Variants in SPATA13 observed in about 807,000 individuals in gnomAD.
SPATA13 encodes the protein spermatogenesis-associated protein 13.
SPATA13 carries 50 observed loss-of-function variants against 104.0 expected under a neutral mutation model. That is an observed-to-expected ratio of 0.48 (90% CI 0.38 to 0.61). SPATA13 has a LOEUF of 0.61. Ranked by LOEUF, SPATA13 falls within the 20% of genes least tolerant of loss-of-function variation. SPATA13 has a pLI of 0.00. For missense variants in SPATA13, 1,524 were observed against 1,690.6 expected, an observed-to-expected ratio of 0.90 and a Z score of 1.73; for synonymous variants, 606 against 667.5, an observed-to-expected ratio of 0.91 and a Z score of 1.42.
At chr13:24,208,963 T>C (rs952685229) in intron 1 of SPATA13, among the ~76,000 whole-genome samples, 2 of 152,216 alleles carry the variant, frequency 1.3e-5, no homozygotes, top group African/African-American at 4.8e-5. Flanking sequence ...ACAAAGTTCC[T>C]AGAAAATAGA....
chr13:24,194,245 G>A (rs1214326972), intron 1 of SPATA13, among the ~76,000 whole-genome samples: 2 of 152,180 alleles, frequency 1.3e-5, no homozygotes, highest in Non-Finnish European at 2.9e-5. Flanking sequence ...TTATTTAAAT[G>A]TGCAGCTAAA....
At chr13:24,080,744 T>G (rs564520653) in intron 3 of SPATA13, among the ~76,000 whole-genome samples, 1 of 152,342 alleles carries the variant, frequency 6.6e-6, no homozygotes, top group South Asian at 2.1e-4. Flanking sequence ...AGACTCATCT[T>G]CTGTGCCCTA....
chr13:24,176,359 A>G (rs1229430157), intron 1 of SPATA13, among the ~76,000 whole-genome samples: 1 of 152,188 alleles, frequency 6.6e-6, no homozygotes, highest in Admixed American at 6.5e-5. Context: ...TTTACCAGTT[A>G]CAACTTTGGA....
chr13:24,101,233 C>T (rs1267370108), intron 3 of SPATA13, among the ~76,000 whole-genome samples: 5 of 152,174 alleles, frequency 3.3e-5, no homozygotes, highest in Non-Finnish European at 7.3e-5. Context: ...CACACTCAAA[C>T]ACATATAATT....
In SPATA13 at chr13:24,042,366, T is replaced by C. The variant is rs545733297; in HGVS notation, c.-112+24665T>C. On this transcript the variant is annotated intron_variant, in intron 3 of 14. Coordinates refer to the SPATA13 transcript ENST00000424834. Reference sequence around the variant, plus strand: ...GTAAAAGTTCAAGTTGGAAAGCCAATGATGCAGTTCTAGCCTTTGTGGAAA... The same window carrying C: ...GTAAAAGTTCAAGTTGGAAAGCCAACGATGCAGTTCTAGCCTTTGTGGAAA... 1.2e-3 allele frequency among the ~76,000 whole-genome samples: 185 copies of C among 152,322 alleles called. 4 individuals carry two copies. The highest frequency in any genetic ancestry group is 2.1e-3 in the Non-Finnish European group (141 of 68,032).
chr13:24,171,311 C>T (rs984133460), intron 1 of SPATA13, among the ~76,000 whole-genome samples: 5 of 152,110 alleles, frequency 3.3e-5, no homozygotes, highest in African/African-American at 7.2e-5. Flanking sequence ...ATGGTGAAGT[C>T]GTGACCCTTG....
Position 24,190,152 on chromosome 13 carries a change from CAT to C in SPATA13, c.-112+29228_-112+29229del, listed in dbSNP as rs1491127668. On this transcript the variant is annotated intron_variant, in intron 1 of 12. Coordinates refer to ENST00000382108, the MANE Select transcript of SPATA13 (RefSeq NM_001166271.3). ...ATATACAATATATATTATTATATAACATATATATAATATATATTATTATATAA... is the reference window on the plus strand; with the variant it reads ...ATATACAATATATATTATTATATAACATATATAATATATATTATTATATAA... Among the ~76,000 whole-genome samples the C allele has an allele frequency of 3.5e-3, 27 of 7,676 alleles. 10 individuals carry two copies. The highest frequency in any genetic ancestry group is 3.8e-3 in the African/African-American group (27 of 7,128). 5.0% of individuals were successfully genotyped at this position (7,676 alleles called of 152,430 possible).
intron 4 of SPATA13, among the ~76,000 whole-genome samples, chr13:24,265,275 C>A (rs1874248058): frequency 1.3e-5 from 2 of 152,180 alleles, no homozygotes; most frequent in South Asian, 4.1e-4. Context: ...AGCATCTACC[C>A]GGCTCATCAG....
At chr13:24,141,701 A>C (rs766702119) in intron 3 of SPATA13, among the ~76,000 whole-genome samples, 22 of 152,236 alleles carry the variant, frequency 1.4e-4, no homozygotes, top group Non-Finnish European at 2.5e-4. Flanking sequence ...TTGTTAGTTA[A>C]GTAACAAATG....
intron 1 of SPATA13, among the ~76,000 whole-genome samples, chr13:24,180,138 G>C (rs1428428422): frequency 6.6e-6 from 1 of 152,154 alleles, no homozygotes; most frequent in Non-Finnish European, 1.5e-5. Context: ...TATAGTTTCA[G>C]CTCTTAGATT....
chr13:24,211,887 C>G (rs536145796), intron 1 of SPATA13, among the ~76,000 whole-genome samples: 1 of 152,308 alleles, frequency 6.6e-6, no homozygotes, highest in South Asian at 2.1e-4. Flanking sequence ...AACATCCGTC[C>G]TTTCTCTGGC....
chr13:24,272,181 G>C (rs574221251), intron 4 of SPATA13, among the ~76,000 whole-genome samples: 7 of 152,184 alleles, frequency 4.6e-5, no homozygotes, highest in East Asian at 1.9e-4. Context: ...GGGCAGGGGT[G>C]GGGGGCAGGT....
intron 9 of SPATA13, 132 bp from the exon 10 acceptor site, chr13:24,294,607 C>T: frequency 2.2e-6 from 2 of 903,092 alleles, no homozygotes; most frequent in Non-Finnish European, 3.0e-6. Context: ...AAAAGGGAAA[C>T]AGTGGCTAAT....
intron 3 of SPATA13, among the ~76,000 whole-genome samples, chr13:24,026,499 C>T (rs1369839334): frequency 5.3e-5 from 8 of 152,074 alleles, no homozygotes; most frequent in Admixed American, 5.2e-4. Flanking sequence ...AATTATTTGG[C>T]CCTTTATGTT....
At chr13:24,184,659 T>G (rs2255669) in intron 1 of SPATA13, among the ~76,000 whole-genome samples, 1 of 151,972 alleles carries the variant, frequency 6.6e-6, no homozygotes, top group Non-Finnish European at 1.5e-5. Flanking sequence ...GGAGTTTTGT[T>G]TTCTGTGCAG....
intron 1 of SPATA13, among the ~76,000 whole-genome samples, chr13:24,202,061 A>C (rs1870437287): frequency 6.7e-6 from 1 of 149,514 alleles, no homozygotes; most frequent in Non-Finnish European, 1.5e-5. Flanking sequence ...GGACAGAGCA[A>C]GACTCTGTCT....
chr13:24,187,988 T>C (rs1488691041), intron 1 of SPATA13, among the ~76,000 whole-genome samples: 1 of 152,198 alleles, frequency 6.6e-6, no homozygotes, highest in African/African-American at 2.4e-5. Flanking sequence ...CTTGGCCTCT[T>C]GTGCCACATG....
intron 4 of SPATA13, among the ~76,000 whole-genome samples, chr13:24,274,609 G>A (rs1290699441): frequency 1.3e-5 from 2 of 152,222 alleles, no homozygotes; most frequent in African/African-American, 2.4e-5. Context: ...GCAGCAGCCC[G>A]TGACAGCTGC....
chr13:24,037,402 CTTTA>C (rs1049413651), intron 3 of SPATA13, among the ~76,000 whole-genome samples: 1 of 5,032 alleles, frequency 2.0e-4, no homozygotes, highest in Non-Finnish European at 6.7e-4. Flanking sequence ...TCGACTAATA[CTTTA>C]TTTATTTATT....
Sources: allele counts gnomAD v4.1 joint callset (sites outside exome capture counted in the v4.1 genomes callset), GRCh38; gene constraint gnomAD v4.1.1; transcripts MANE v1.5; gene names NCBI Gene and HGNC (gene_info 2026-07-23, HGNC 2026-07-21).